The following C4orf51 variants were observed in gnomAD, a reference collection of about 807,000 sequenced individuals.
C4orf51 encodes chromosome 4 open reading frame 51, also known as uncharacterized protein C4orf51.
In C4orf51, 25 loss-of-function variants were observed where a neutral mutation model predicts 25.2. That is an observed-to-expected ratio of 0.99 (90% CI 0.72 to 1.39). C4orf51 has a LOEUF of 1.39. C4orf51 is among the 40% of genes most tolerant of loss of function. The probability of loss-of-function intolerance (pLI) is 0.00; values close to 1 mark genes in which losing one functional copy is unlikely to be tolerated. For synonymous variants in C4orf51, 100 were observed against 84.5 expected (o/e 1.18, Z -1.01); for missense variants, 252 against 239.6 (o/e 1.05, Z -0.34).
intron 3 of C4orf51, among the ~76,000 whole-genome samples, chr4:145,727,903 A>ATATC: frequency 9.4e-6 from 1 of 106,840 alleles, no homozygotes; most frequent in Non-Finnish European, 1.7e-5. Flanking sequence ...GTGTATATAT[A>ATATC]TATATATATA....
intron 1 of C4orf51, among the ~76,000 whole-genome samples, chr4:145,753,140 T>TTGTGTGTGTGTGTGTG (rs57325282): frequency 6.9e-6 from 1 of 145,752 alleles, no homozygotes; most frequent in Admixed American, 6.8e-5. Flanking sequence ...TATGAAGGTT[T>TTGTGTGTGTGTGTGTG]TGTGTGTGTG....
chr4:145,788,880 T>C, the C4orf51 span, among the ~76,000 whole-genome samples: 33 of 152,380 alleles, frequency 2.2e-4, no homozygotes, highest in African/African-American at 7.5e-4. Flanking sequence ...TTTGGCTTTG[T>C]GGCAGAAACT....
intron 2 of C4orf51, among the ~76,000 whole-genome samples, chr4:145,716,212 T>C (rs549107365): frequency 4.6e-5 from 7 of 152,186 alleles, no homozygotes; most frequent in Non-Finnish European, 1.0e-4. Flanking sequence ...AGTTGGCTGT[T>C]CTGCAGGTAG....
At chr4:145,782,312 G>A in the C4orf51 span, among the ~76,000 whole-genome samples, 4 of 152,234 alleles carry the variant, frequency 2.6e-5, no homozygotes, top group African/African-American at 9.6e-5. Flanking sequence ...TATTACTGTG[G>A]CAACACAAGA....
chr4:145,764,409 G>A (rs1734969619), intron 1 of C4orf51, among the ~76,000 whole-genome samples: 1 of 152,122 alleles, frequency 6.6e-6, no homozygotes, highest in South Asian at 2.1e-4. Context: ...AGACCAAAGG[G>A]CCTCTTGAAA....
At chr4:145,740,294 CAA>C (rs1385316266) in intron 1 of C4orf51, among the ~76,000 whole-genome samples, 2 of 118,404 alleles carry the variant, frequency 1.7e-5, no homozygotes, top group African/African-American at 3.4e-5. Context: ...AAAAAAGTGA[CAA>C]TGTGAGGTTT....
At chr4:145,691,659 G>A (rs1188831016) in intron 1 of C4orf51, among the ~76,000 whole-genome samples, 3 of 152,210 alleles carry the variant, frequency 2.0e-5, no homozygotes, top group South Asian at 4.1e-4. Flanking sequence ...GGATGCAGCT[G>A]TTAAGTGAAT....
chr4:145,728,349 A>T (rs1436719949), intron 3 of C4orf51, among the ~76,000 whole-genome samples: 1 of 152,064 alleles, frequency 6.6e-6, no homozygotes. Context: ...AACTTGACAG[A>T]TGAAGATAGT....
intron 1 of C4orf51, among the ~76,000 whole-genome samples, chr4:145,738,471 T>TATAC: frequency 6.6e-6 from 1 of 151,270 alleles, no homozygotes; most frequent in South Asian, 2.1e-4. Context: ...TATATATATA[T>TATAC]ATATATAGAC....
chr4:145,684,118 T>TA (rs59589436), intron 1 of C4orf51, among the ~76,000 whole-genome samples: 62,837 of 151,942 alleles, frequency 0.41, 14,329 homozygotes, highest in African/African-American at 0.61. Flanking sequence ...ACAATCCAAT[T>TA]AAAAATGGGC....
chr4:145,728,844 T>A (rs1732258532), intron 3 of C4orf51, among the ~76,000 whole-genome samples: 1 of 152,342 alleles, frequency 6.6e-6, no homozygotes, highest in East Asian at 1.9e-4. Flanking sequence ...TATGGTATTT[T>A]CATATTAGGA....
chr4:145,725,658 G>A (rs1732014450), intron 2 of C4orf51, among the ~76,000 whole-genome samples: 1 of 152,042 alleles, frequency 6.6e-6, no homozygotes, highest in Admixed American at 6.6e-5. Flanking sequence ...AAAACATTGT[G>A]TTAAGTTAAA....
chr4:145,696,580 T>A lies in C4orf51; in HGVS notation c.255T>A (p.Ser85=), dbSNP rs774908474. 5.6e-6 allele frequency: 9 copies of A among 1,613,680 alleles called. No individual in the cohort carries two copies. The East Asian group carries it at 1.8e-4, about 32-fold the overall frequency. ...ECKQMSLTNS[S]ACHLLCWAGT... ...TTAGGATGTCATTGACAAACAGTTCTGCCTGTCATCTTCTCTGCTGGGCTG... is the reference window on the plus strand; with the variant it reads ...TTAGGATGTCATTGACAAACAGTTCAGCCTGTCATCTTCTCTGCTGGGCTG... The change falls in exon 2 of 6, where the codon TCT becomes TCA. Residue 85 remains serine (S), a synonymous_variant. Coordinates refer to ENST00000438731, the MANE Select transcript of C4orf51 (RefSeq NM_001080531.3).
intron 2 of C4orf51, among the ~76,000 whole-genome samples, chr4:145,705,503 A>C (rs1730751208): frequency 6.6e-6 from 1 of 152,114 alleles, no homozygotes; most frequent in Non-Finnish European, 1.5e-5. Context: ...TTCTTTGGGG[A>C]AAATGGATGA....
At chr4:145,735,711 CTCTTTT>C (rs779761930), downstream of C4orf51, among the ~76,000 whole-genome samples, 9 of 152,210 alleles carry the variant, frequency 5.9e-5, no homozygotes, top group Admixed American at 1.3e-4. Context: ...TATCTTCTTT[CTCTTTT>C]TCTTTTCCTT....
At chr4:145,720,440 G>C (rs758261581) in intron 2 of C4orf51, among the ~76,000 whole-genome samples, 2 of 152,130 alleles carry the variant, frequency 1.3e-5, no homozygotes, top group African/African-American at 2.4e-5. Flanking sequence ...CTCCCCCAAA[G>C]GAGCCCTAGG....
downstream of C4orf51, chr4:145,774,462 G>C (rs781152154): frequency 1.4e-5 from 22 of 1,579,936 alleles, no homozygotes; most frequent in Non-Finnish European, 1.9e-5. Context: ...CTGGGGTGCA[G>C]GGGATGGAGA....
At chr4:145,699,270 A>T (rs12508648) in intron 2 of C4orf51, among the ~76,000 whole-genome samples, 30,112 of 79,278 alleles carry the variant, frequency 0.38, 7,321 homozygotes, top group Admixed American at 0.45. Flanking sequence ...CGGATGCGCA[A>T]GAAATTTGGT....
At chr4:145,743,590 G>T (rs927746673) in intron 1 of C4orf51, among the ~76,000 whole-genome samples, 1 of 152,236 alleles carries the variant, frequency 6.6e-6, no homozygotes, top group Non-Finnish European at 1.5e-5. Context: ...AACTTTGGGA[G>T]ATTCAAACCA....
Sources: gnomAD v4.1 joint callset for allele counts (sites outside exome capture counted in the v4.1 genomes callset) on GRCh38, gnomAD v4.1.1 for gene constraint, MANE v1.5 for transcripts, NCBI Gene and HGNC (gene_info 2026-07-23, HGNC 2026-07-21) for gene names.